Variants in ADGRB3 observed in about 807,000 individuals in gnomAD.
ADGRB3 encodes the protein adhesion G protein-coupled receptor B3.
Under a neutral mutation model 193.4 loss-of-function variants are expected in ADGRB3, and 37 were observed. The observed-to-expected ratio is 0.19, with a 90% CI of 0.15 to 0.25. ADGRB3 has a LOEUF of 0.25. Among genes scored for constraint, ADGRB3 ranks in the 10% least tolerant of loss-of-function variants. ADGRB3 has a pLI of 1.00. For missense variants in ADGRB3, 1,637 were observed against 1,852.9 expected (o/e 0.88, Z 2.14); for synonymous variants, 690 against 644.2 (o/e 1.07, Z -1.08).
At chr6:69,043,178 CTTCCCTCTG>C (rs1771121031) in intron 13 of ADGRB3, among the ~76,000 whole-genome samples, 1 of 151,262 alleles carries the variant, frequency 6.6e-6, no homozygotes, top group South Asian at 2.1e-4. Context: ...AAGGCAGCCC[CTTCCCTCTG>C]GCAGATTCTA....
At chr6:69,173,536 CTT>C (rs1775344579) in intron 17 of ADGRB3, among the ~76,000 whole-genome samples, 1 of 151,968 alleles carries the variant, frequency 6.6e-6, no homozygotes, top group Admixed American at 6.6e-5. Context: ...AGAATGGTAA[CTT>C]GGAGTAAGAT....
At chr6:68,837,488 G>C (rs1371998017) in intron 3 of ADGRB3, among the ~76,000 whole-genome samples, 1 of 152,086 alleles carries the variant, frequency 6.6e-6, no homozygotes, top group Non-Finnish European at 1.5e-5. Context: ...TTTGCCATTT[G>C]TATGATATAA....
chr6:69,126,515 G>C (rs973153014), intron 17 of ADGRB3, among the ~76,000 whole-genome samples: 1 of 152,160 alleles, frequency 6.6e-6, no homozygotes, highest in African/African-American at 2.4e-5. Flanking sequence ...AGGAACTCAA[G>C]TTCTGATATC....
intron 17 of ADGRB3, among the ~76,000 whole-genome samples, chr6:69,158,118 C>T (rs1254487342): frequency 6.6e-6 from 1 of 152,056 alleles, no homozygotes; most frequent in Non-Finnish European, 1.5e-5. Flanking sequence ...TATATAAACC[C>T]TAGTAGCATT....
intron 20 of ADGRB3, among the ~76,000 whole-genome samples, chr6:69,255,807 G>T (rs1251802954): frequency 6.6e-6 from 1 of 152,138 alleles, no homozygotes; most frequent in East Asian, 1.9e-4. Flanking sequence ...TAATGCCTAG[G>T]TTTTCTTCTA....
At chr6:68,982,944 G>T (rs868133211) in intron 10 of ADGRB3, among the ~76,000 whole-genome samples, 1 of 152,030 alleles carries the variant, frequency 6.6e-6, no homozygotes, top group African/African-American at 2.4e-5. Flanking sequence ...CCTCAGAAAA[G>T]ATCTCTACTT....
intron 17 of ADGRB3, among the ~76,000 whole-genome samples, chr6:69,167,383 C>T (rs1440149518): frequency 6.6e-6 from 1 of 152,090 alleles, no homozygotes; most frequent in African/African-American, 2.4e-5. Context: ...AGAAGGAACA[C>T]ATTTCAGGGC....
intron 15 of ADGRB3, among the ~76,000 whole-genome samples, chr6:69,062,292 ATAACT>A (rs769327974): frequency 5.3e-5 from 8 of 151,986 alleles, no homozygotes; most frequent in Non-Finnish European, 8.8e-5. Flanking sequence ...TTTTCTTAAA[ATAACT>A]TAAACTTCTT....
At chr6:68,917,814 T>C (rs1415806524) in intron 3 of ADGRB3, among the ~76,000 whole-genome samples, 9 of 152,194 alleles carry the variant, frequency 5.9e-5, no homozygotes. Context: ...CCACTACTAA[T>C]TGATATGCAA....
intron 11 of ADGRB3, among the ~76,000 whole-genome samples, chr6:69,006,216 G>A (rs1282077042): frequency 2.0e-5 from 3 of 151,978 alleles, no homozygotes; most frequent in African/African-American, 7.2e-5. Context: ...AGGTAGAGTT[G>A]AAGCCATACA....
At chr6:69,247,251 C>T (rs188402548) in intron 20 of ADGRB3, among the ~76,000 whole-genome samples, 12 of 152,308 alleles carry the variant, frequency 7.9e-5, no homozygotes, top group Admixed American at 6.5e-4. Flanking sequence ...TGCATATCAC[C>T]TGCATTCAGG....
chr6:69,363,785 TCTGG>T (rs1368267978), intron 29 of ADGRB3, among the ~76,000 whole-genome samples: 1 of 152,050 alleles, frequency 6.6e-6, no homozygotes, highest in African/African-American at 2.4e-5. Context: ...AAGTTTTTGG[TCTGG>T]CTTTCTTCTC....
chr6:68,921,550 A>C (rs1767044410), intron 3 of ADGRB3, among the ~76,000 whole-genome samples: 1 of 152,154 alleles, frequency 6.6e-6, no homozygotes, highest in Non-Finnish European at 1.5e-5. Context: ...GCAATATCTA[A>C]CAAAATTTAA....
At chr6:68,782,307 AT>A (rs576135844) in intron 3 of ADGRB3, among the ~76,000 whole-genome samples, 1 of 151,610 alleles carries the variant, frequency 6.6e-6, no homozygotes, top group East Asian at 1.9e-4. Flanking sequence ...TGAACTCATC[AT>A]TTTTTATGGC....
intron 3 of ADGRB3, among the ~76,000 whole-genome samples, chr6:68,809,380 G>A (rs1274413378): frequency 6.6e-6 from 1 of 152,190 alleles, no homozygotes; most frequent in Admixed American, 6.5e-5. Flanking sequence ...CAAAAAGTTT[G>A]CATGCCAACA....
intron 11 of ADGRB3, among the ~76,000 whole-genome samples, chr6:69,008,632 T>C (rs1039657699): frequency 1.3e-5 from 2 of 152,120 alleles, no homozygotes; most frequent in South Asian, 2.1e-4. Flanking sequence ...TAGTGATGCA[T>C]AGGGAGAGTT....
In ADGRB3 at chr6:68,956,079, G is replaced by A. The variant is rs1172160699; in HGVS notation, c.1251G>A (p.Ser417=). 1.2e-5 allele frequency: 20 copies of A among 1,613,836 alleles called. No homozygotes were observed. Among genetic ancestry groups the A allele is most frequent in the Middle Eastern group, 1.7e-4 (1 of 6,058 alleles). Residue 417 remains serine (S), a synonymous_variant, in exon 7 of 32, where the codon TCG becomes TCA. Coordinates refer to ENST00000370598, the MANE Select transcript of ADGRB3 (RefSeq NM_001704.3). ...SSWSQCSVTC[S]NGTQQRSRQC... is the part of the protein sequence containing the mutation. Reference sequence around the variant, plus strand: ...GGAGCCAGTGCTCAGTAACGTGCTCGAATGGGACTCAGCAGAGAAGCCGGC... The same window carrying A: ...GGAGCCAGTGCTCAGTAACGTGCTCAAATGGGACTCAGCAGAGAAGCCGGC...
chr6:68,751,261 C>A (rs1484677295), intron 3 of ADGRB3, among the ~76,000 whole-genome samples: 1 of 152,148 alleles, frequency 6.6e-6, no homozygotes, highest in Non-Finnish European at 1.5e-5. Context: ...ATAGTTTAGA[C>A]TTCTACCGTG....
intron 3 of ADGRB3, among the ~76,000 whole-genome samples, chr6:68,650,087 A>C (rs1768325728): frequency 6.6e-6 from 1 of 152,186 alleles, no homozygotes; most frequent in African/African-American, 2.4e-5. Context: ...TAGTTGAGTT[A>C]GTGAGGTGAT....
Sources: gnomAD v4.1 joint callset for allele counts (sites outside exome capture counted in the v4.1 genomes callset) on GRCh38, gnomAD v4.1.1 for gene constraint, MANE v1.5 for transcripts, NCBI Gene and HGNC (gene_info 2026-07-23, HGNC 2026-07-21) for gene names.